XPO5: variants seen among roughly 807,000 people sequenced by gnomAD.
XPO5 encodes exportin 5, also known as exportin-5.
A neutral mutation model predicts 160.6 loss-of-function variants in XPO5; 46 were observed. The observed-to-expected ratio is 0.29, with a 90% CI of 0.23 to 0.37. The LOEUF (loss-of-function observed/expected upper bound fraction) is 0.37. Ranked by LOEUF, XPO5 falls within the 10% of genes least tolerant of loss-of-function variation. The probability of loss-of-function intolerance (pLI) is 1.00; values close to 1 mark genes in which losing one functional copy is unlikely to be tolerated. For missense variants in XPO5, 1,090 were observed against 1,463.9 expected (o/e 0.74, Z 4.17); for synonymous variants, 537 against 519.3 (o/e 1.03, Z -0.46).
rs1283979425 is a variant in XPO5 at position 43,566,602 on chromosome 6, A to G, written c.834+567T>C. ...GGAGGGCAGATCACTTGAGCTCAGG[A>G]GTTCGAGAAGAGCCTGGCTAACATG... is the stretch of plus-strand genomic sequence containing the variant. On this transcript the variant is annotated intron_variant, in intron 7 of 31. Coordinates refer to ENST00000265351, the MANE Select transcript of XPO5 (RefSeq NM_020750.3). The G allele has an allele frequency of 7.3e-6, 3 of 413,768 alleles. No homozygotes were observed. In the Admixed American group the frequency reaches 7.3e-5, roughly 10 times the overall value. 25.6% of individuals were successfully genotyped at this position (413,768 alleles called of 1,614,324 possible). A position where few individuals can be genotyped will look rare whatever the true frequency, so the allele number is the denominator to read the frequency against.
rs573918420 is a variant in XPO5 at position 43,543,968 on chromosome 6, C to T, written c.2342+2603G>A. Among the ~76,000 whole-genome samples, 26 of 152,284 alleles carry T rather than the reference C, an allele frequency of 1.7e-4. 1 individual carries two copies. In the South Asian group the frequency reaches 4.6e-3, roughly 27 times the overall value. ...CTGGGATTATAGGCATGAGCTACCGCGCCCAGCCAATAAAATTTACTAAAA... is the reference window on the plus strand; with the variant it reads ...CTGGGATTATAGGCATGAGCTACCGTGCCCAGCCAATAAAATTTACTAAAA... On this transcript the variant is annotated intron_variant, in intron 20 of 31. Coordinates refer to ENST00000265351, the MANE Select transcript of XPO5 (RefSeq NM_020750.3).
chr6:43,570,695 A>G lies in XPO5; in HGVS notation c.439-11T>C. ...TTCTGTCTGTGTTTCCTACACCAATAGAAATAAGCTAGTTAAAAACTAAAA... is the reference window on the plus strand; with the variant it reads ...TTCTGTCTGTGTTTCCTACACCAATGGAAATAAGCTAGTTAAAAACTAAAA... On this transcript the variant is annotated splice_polypyrimidine_tract_variant and intron_variant, in intron 4 of 31. Transcript: ENST00000265351. 2 of 1,587,642 alleles carry G rather than the reference A, an allele frequency of 1.3e-6. No individual in the cohort carries two copies. The highest frequency in any genetic ancestry group is 4.5e-5 in the East Asian group (2 of 44,512).
Position 43,530,014 on chromosome 6 carries a change from G to C in XPO5, c.2677+674C>G, listed in dbSNP as rs138573916. On this transcript the variant is annotated intron_variant, in intron 23 of 31. Coordinates refer to ENST00000265351, the MANE Select transcript of XPO5 (RefSeq NM_020750.3). ...TCACACCTGTAACCCCAGCACTTTGGGAGGCTGAGGCAGGCGGATTACTTG... is the reference window on the plus strand; with the variant it reads ...TCACACCTGTAACCCCAGCACTTTGCGAGGCTGAGGCAGGCGGATTACTTG... 5.0e-3 allele frequency among the ~76,000 whole-genome samples: 754 copies of C among 152,190 alleles called. 11 individuals carry two copies. Among genetic ancestry groups the C allele is most frequent in the South Asian group, 0.02 (98 of 4,832 alleles).
rs186280173 is a variant in XPO5 at position 43,529,465 on chromosome 6, A to G, written c.2678-540T>C. ...GCTACTCGAGAAGCTAAGGCAAGAG[A>G]ATGGTGTGAACCTGGGAGGCGAAGC... On this transcript the variant is annotated intron_variant, in intron 23 of 31. Coordinates refer to ENST00000265351, the MANE Select transcript of XPO5 (RefSeq NM_020750.3). 449 of 316,074 alleles carry G rather than the reference A, an allele frequency of 1.4e-3. 2 individuals are homozygous for G. The highest frequency in any genetic ancestry group is 9.6e-3 in the African/African-American group (413 of 43,070). The allele number at this position is 316,074 out of a possible 1,614,324, so 19.6% of individuals were successfully genotyped here.
At chr6:43,529,380 A>G (rs1427443007) in intron 23 of XPO5, 1 of 159,752 alleles carries the variant, frequency 6.3e-6, no homozygotes, top group African/African-American at 3.2e-5. Context: ...GTCTCTACTA[A>G]AAAAAAAAAA....
At position 43,560,914 on chromosome 6, in the gene XPO5, TA is replaced by T; in HGVS notation, c.1095+9del. 1 of 1,611,566 alleles carries T rather than the reference TA, an allele frequency of 6.2e-7. No individual in the cohort carries two copies. Among genetic ancestry groups the T allele is most frequent in the Non-Finnish European group, 8.5e-7 (1 of 1,177,718 alleles). ...CTAAACTTTTGAGAAGTTACCTGTA[TA>T]AAGTTTACCTGACTTGGATGGGTTG... On this transcript the variant is annotated intron_variant, in intron 10 of 31. Coordinates refer to ENST00000265351, the MANE Select transcript of XPO5 (RefSeq NM_020750.3).
At position 43,551,419 on chromosome 6, in the gene XPO5, T is replaced by C; in HGVS notation, c.1607A>G (p.Gln536Arg). The C allele has an allele frequency of 6.2e-7, 1 of 1,613,964 alleles. No individual in the cohort carries two copies. The highest frequency in any genetic ancestry group is 8.5e-7 in the Non-Finnish European group (1 of 1,179,860). ...IPVNDGIELL[Q>R]MVLNFDTKDP... Reference sequence around the variant, plus strand: ...CTTGGTATCAAAGTTCAGAACCATCTGCAATAGCTCTATTCCATCATTAAC... The same window carrying C: ...CTTGGTATCAAAGTTCAGAACCATCCGCAATAGCTCTATTCCATCATTAAC... The change falls in exon 15 of 32, where the codon CAG becomes CGG. Residue 536 changes from glutamine to arginine, a missense_variant. By Grantham distance (43) the Gln-to-Arg change is conservative (BLOSUM62 1). This residue lies in a region of XPO5 where 810 missense variants were observed against 1,139.0 expected (regional missense o/e 0.71). Transcript: ENST00000265351.
At chr6:43,527,966 A>C (rs1200862083) in intron 25 of XPO5, among the ~76,000 whole-genome samples, 193 bp downstream of exon 25, 1 of 152,248 alleles carries the variant, frequency 6.6e-6, no homozygotes. Flanking sequence ...AGTAGCCCCT[A>C]TGAAGGCTGG....
chr6:43,522,732 G>C lies in XPO5; in HGVS notation c.*1136C>G, dbSNP rs545614531. On this transcript the variant is annotated 3_prime_UTR_variant, in exon 32 of 32. Coordinates refer to ENST00000265351, the MANE Select transcript of XPO5 (RefSeq NM_020750.3). Reference sequence around the variant, plus strand: ...AAACCCTCTTGTCAGTGGACTGGATGGACAACAGGTCTGTTTTTGTGCAGA... The same window carrying C: ...AAACCCTCTTGTCAGTGGACTGGATCGACAACAGGTCTGTTTTTGTGCAGA... The C allele has an allele frequency of 1.1e-4, 55 of 499,570 alleles. No homozygotes were observed. The highest frequency in any genetic ancestry group is 4.0e-4 in the Middle Eastern group (1 of 2,492). The allele number at this position is 499,570 out of a possible 1,614,324, so 30.9% of individuals were successfully genotyped here. A position where few individuals can be genotyped will look rare whatever the true frequency, so the allele number is the denominator to read the frequency against.
At position 43,523,938 on chromosome 6, in the gene XPO5, GT is replaced by G; in HGVS notation, c.3544del (p.Thr1182GlnfsTer47). ...CACCTCCGTCTCCAGCATTGGCTTT[GT>G]TTTTTTGAAAAGTGAGGGAAGATTC... ...IKNLPSLFKK[T>X]KPMLETEVLD... On this transcript the variant is annotated frameshift_variant, in exon 32 of 32. Coordinates refer to ENST00000265351, the MANE Select transcript of XPO5 (RefSeq NM_020750.3). LOFTEE classifies it high-confidence loss of function. The G allele has an allele frequency of 6.2e-7, 1 of 1,614,000 alleles. No individual in the cohort carries two copies. Among genetic ancestry groups the G allele is most frequent in the Non-Finnish European group, 8.5e-7 (1 of 1,179,888 alleles).
Position 43,567,210 on chromosome 6 carries a change from A to G in XPO5, c.793T>C (p.Leu265=), listed in dbSNP as rs1762740718. The G allele has an allele frequency of 2.5e-6, 4 of 1,613,742 alleles. No individual in the cohort carries two copies. Among genetic ancestry groups the G allele is most frequent in the Non-Finnish European group, 8.5e-7 (1 of 1,179,800 alleles). ...CLLLNEQELQ[L]GAAECLLIAV... is the part of the protein sequence containing the mutation. ...ATGAGAAGACACTCAGCGGCTCCCAACTGAAGTTCCTGTTCATTCAACAGC... is the reference window on the plus strand; with the variant it reads ...ATGAGAAGACACTCAGCGGCTCCCAGCTGAAGTTCCTGTTCATTCAACAGC... Residue 265 remains leucine, a synonymous_variant, in exon 7 of 32, where the codon TTG becomes CTG. Transcript: ENST00000265351.
At position 43,558,563 on chromosome 6, in the gene XPO5, G is replaced by A. The variant is rs966890053; in HGVS notation, c.1250C>T (p.Pro417Leu). The A allele has an allele frequency of 4.4e-6, 7 of 1,600,224 alleles. No homozygotes were observed. The highest frequency in any genetic ancestry group is 5.1e-6 in the Non-Finnish European group (6 of 1,173,770). The change falls in exon 12 of 32, where the codon CCT becomes CTT. Residue 417 changes from proline to leucine, a missense_variant. By Grantham distance (98) the Pro-to-Leu change is moderately conservative (BLOSUM62 -3). Coordinates refer to ENST00000265351, the MANE Select transcript of XPO5 (RefSeq NM_020750.3). ...ATCAAACCGAGAATATTCACAGCTA[G>A]GGCTGTCTGTTTTAGAAGGAAAGCC... ...KMGFPSKTDS[P>L]SCEYSRFDFD...
intron 7 of XPO5, 147 bp downstream of exon 7, chr6:43,567,022 G>C: frequency 1.3e-6 from 1 of 754,240 alleles, no homozygotes; most frequent in Non-Finnish European, 2.1e-6. Flanking sequence ...GCAAACTCCT[G>C]TCCAAGGGGG....
intron 8 of XPO5, among the ~76,000 whole-genome samples, chr6:43,565,253 C>A (rs900219394): frequency 6.6e-6 from 1 of 151,986 alleles, no homozygotes; most frequent in Non-Finnish European, 1.5e-5. Context: ...AAAACACTGT[C>A]GATTGACAGC....
intron 22 of XPO5, 105 bp from the exon 23 acceptor site, chr6:43,530,929 C>CCAGAAGAG (rs1793931947): frequency 2.2e-6 from 3 of 1,382,920 alleles, no homozygotes; most frequent in Non-Finnish European, 2.9e-6. Flanking sequence ...GGTTTTTCAG[C>CCAGAAGAG]CAGAAGAGCA....
At chr6:43,553,543 A>C in intron 13 of XPO5, 40 bp from the exon 14 acceptor site, 1 of 1,536,962 alleles carries the variant, frequency 6.5e-7, no homozygotes. Flanking sequence ...ACACACACAC[A>C]CACACAATTA....
chr6:43,539,131 C>G, intron 20 of XPO5: 1 of 1,189,238 alleles, frequency 8.4e-7, no homozygotes, highest in Non-Finnish European at 1.2e-6. Flanking sequence ...GGCGCACCAG[C>G]ACAGAGCCAC....
chr6:43,549,682 T>C, intron 16 of XPO5, 104 bp from the exon 17 acceptor site: 3 of 1,373,610 alleles, frequency 2.2e-6, no homozygotes, highest in Non-Finnish European at 3.0e-6. Context: ...TCACAATGAT[T>C]TTTCACAACC....
Position 43,558,610 on chromosome 6 carries a change from T to C in XPO5, c.1222-19A>G, listed in dbSNP as rs566423545. ...AGCCCATCTGGAAAAAGAAAGGTAA[T>C]TGGGGTAGGGGATGAAAGTGGACCC... On this transcript the variant is annotated intron_variant, in intron 11 of 31. Transcript: ENST00000265351. 1.3e-6 allele frequency: 2 copies of C among 1,558,062 alleles called. No individual in the cohort carries two copies. Among genetic ancestry groups the C allele is most frequent in the African/African-American group, 2.7e-5 (2 of 73,522 alleles).
Sources: allele counts gnomAD v4.1 joint callset (sites outside exome capture counted in the v4.1 genomes callset), GRCh38; gene constraint gnomAD v4.1.1; regional missense constraint gnomAD v4.1.1; transcripts MANE v1.5; gene names NCBI Gene and HGNC (gene_info 2026-07-23, HGNC 2026-07-21).